Variants in MLLT10 observed in about 807,000 individuals in gnomAD.
MLLT10 encodes MLLT10 histone lysine methyltransferase DOT1L cofactor.
A neutral mutation model predicts 129.1 loss-of-function variants in MLLT10; 30 were observed. The observed-to-expected ratio is 0.23, with a 90% CI of 0.17 to 0.32. The LOEUF is 0.32. Ranked by LOEUF, MLLT10 falls within the 10% of genes least tolerant of loss-of-function variation. The probability of loss-of-function intolerance (pLI) is 1.00; values close to 1 mark genes in which losing one functional copy is unlikely to be tolerated. For missense variants in MLLT10, 1,119 were observed against 1,268.3 expected (o/e 0.88, Z 1.79); for synonymous variants, 490 against 446.4 (o/e 1.10, Z -1.23).
chr10:21,701,650 G>A (rs1175284896), intron 13 of MLLT10, among the ~76,000 whole-genome samples: 5 of 152,008 alleles, frequency 3.3e-5, no homozygotes, highest in Non-Finnish European at 7.4e-5. Context: ...GCAGTAATGC[G>A]ATCTCTTCTC....
chr10:21,534,313 C>CCA lies in MLLT10; in HGVS notation c.-208_-207insCA. On this transcript the variant is annotated 5_prime_UTR_variant, in exon 1 of 23. Coordinates refer to ENST00000307729, the MANE Select transcript of MLLT10 (RefSeq NM_001195626.3). ...GCCCCTGGCCCAGCGGGAGCCCCCC[C>CCA]TCCCCCCAGTGCGCCTGTGCGGAGG... 1 of 374,220 alleles carries CCA rather than the reference C, an allele frequency of 2.7e-6. No homozygotes were observed. Among genetic ancestry groups the CCA allele is most frequent in the Non-Finnish European group, 4.8e-6 (1 of 208,640 alleles). 23.2% of individuals were successfully genotyped at this position (374,220 alleles called of 1,614,324 possible). A position where few individuals can be genotyped will look rare whatever the true frequency, so the allele number is the denominator to read the frequency against.
chr10:21,673,655 G>T lies in MLLT10; in HGVS notation c.1357G>T (p.Ala453Ser). 1.2e-6 allele frequency: 2 copies of T among 1,614,038 alleles called. No homozygotes were observed. The highest frequency in any genetic ancestry group is 1.7e-5 in the Admixed American group (1 of 60,008). Residue 453 changes from alanine (A) to serine (S), a missense_variant, in exon 11 of 23, where the codon GCT becomes TCT. Physicochemically the swap from Ala to Ser is moderately conservative, Grantham distance 99. This residue lies in a region of MLLT10 where 1,004 missense variants were observed against 1,008.7 expected (regional missense o/e 1.00). Transcript: ENST00000307729. ...SSLPTAGYKRAQTSGIEEETV... is the reference protein window; with the variant it reads ...SSLPTAGYKRSQTSGIEEETV... The stretch of plus-strand genomic sequence containing the variant: ...CCTTCCTACAGCAGGATATAAGCGG[G>T]CTCAAACTTCTGGCATAGAAGAAGA...
At chr10:21,739,908 G>A (rs2058691247) in intron 21 of MLLT10, 122 bp from the exon 22 acceptor site, 4 of 751,330 alleles carry the variant, frequency 5.3e-6, no homozygotes, top group South Asian at 3.8e-5. Flanking sequence ...TTCTAGATGA[G>A]ATACTTGTTT....
At chr10:21,721,453 T>A (rs2057129183) in intron 14 of MLLT10, among the ~76,000 whole-genome samples, 1 of 152,176 alleles carries the variant, frequency 6.6e-6, no homozygotes, top group Non-Finnish European at 1.5e-5. Context: ...CTTGAACCTT[T>A]TCCCCCACGC....
chr10:21,671,468 C>T lies in MLLT10; in HGVS notation c.1051+764C>T, dbSNP rs188135665. Among the ~76,000 whole-genome samples the T allele has an allele frequency of 2.8e-3, 430 of 152,158 alleles. 1 individual carries two copies. Among genetic ancestry groups the T allele is most frequent in the Non-Finnish European group, 4.5e-3 (309 of 68,022 alleles). On this transcript the variant is annotated intron_variant, in intron 10 of 22. Coordinates refer to ENST00000307729, the MANE Select transcript of MLLT10 (RefSeq NM_001195626.3). ...GCCAGCTTGGGCAATGTGGTAAGACCTCATCTCTACAAAAAATTTAAAAAT... is the reference window on the plus strand; with the variant it reads ...GCCAGCTTGGGCAATGTGGTAAGACTTCATCTCTACAAAAAATTTAAAAAT...
Position 21,534,430 on chromosome 10 carries a change from A to G in MLLT10, c.-91A>G. ...GACGCTGAGGAGGAGGAGGAGGCGG[A>G]GGAGGCGGTGGAGGGGAGGTGGGGG... is the stretch of plus-strand genomic sequence containing the variant. On this transcript the variant is annotated 5_prime_UTR_variant, in exon 1 of 23. Coordinates refer to ENST00000307729, the MANE Select transcript of MLLT10 (RefSeq NM_001195626.3). The G allele has an allele frequency of 3.0e-6, 1 of 338,936 alleles. No homozygotes were observed. 21.0% of individuals were successfully genotyped at this position (338,936 alleles called of 1,614,324 possible). A position where few individuals can be genotyped will look rare whatever the true frequency, so the allele number is the denominator to read the frequency against.
At chr10:21,632,293 A>G (rs186827690) in intron 8 of MLLT10, among the ~76,000 whole-genome samples, 3 of 152,218 alleles carry the variant, frequency 2.0e-5, no homozygotes, top group Admixed American at 1.3e-4. Flanking sequence ...ATTTTTTGCA[A>G]CTTGTAAGGT....
chr10:21,569,781 T>G (rs1425963255), intron 3 of MLLT10, among the ~76,000 whole-genome samples: 11 of 150,420 alleles, frequency 7.3e-5, no homozygotes, highest in Middle Eastern at 3.6e-3. Flanking sequence ...GTTGCTCTGT[T>G]GCCTGGGCTG....
rs143581186 is a variant in MLLT10 at position 21,727,923 on chromosome 10, G to C, written c.2058G>C (p.Ser686=). The change falls in exon 16 of 23, where the codon TCG becomes TCC. Residue 686 remains serine (S), a synonymous_variant. Coordinates refer to ENST00000307729, the MANE Select transcript of MLLT10 (RefSeq NM_001195626.3). ...GAAGCTCACCCCGAGGAAGTCTCTC[G>C]CCACGGTAAGCGCTATTTACACTGC... ...GRGSSPRGSL[S]PRSPVSSLQI... 3 of 1,613,810 alleles carry C rather than the reference G, an allele frequency of 1.9e-6. No individual in the cohort carries two copies. Among genetic ancestry groups the C allele is most frequent in the South Asian group, 2.2e-5 (2 of 91,012 alleles).
At chr10:21,677,584 A>G (rs1444826233) in intron 11 of MLLT10, among the ~76,000 whole-genome samples, 1 of 152,190 alleles carries the variant, frequency 6.6e-6, no homozygotes, top group African/African-American at 2.4e-5. Flanking sequence ...TAGTTGTTAT[A>G]CTATATTGCT....
intron 14 of MLLT10, among the ~76,000 whole-genome samples, chr10:21,714,951 A>AT (rs2056423632): frequency 6.6e-6 from 1 of 152,042 alleles, no homozygotes; most frequent in African/African-American, 2.4e-5. Flanking sequence ...AAAGATAATC[A>AT]TTTAAGATTT....
At chr10:21,631,030 G>A (rs1390057582) in intron 8 of MLLT10, among the ~76,000 whole-genome samples, 1 of 152,122 alleles carries the variant, frequency 6.6e-6, no homozygotes, top group Non-Finnish European at 1.5e-5. Context: ...AGAAAAGTAC[G>A]TCGGGCGCGG....
chr10:21,620,999 T>TC (rs1200505101), intron 8 of MLLT10, among the ~76,000 whole-genome samples: 5 of 151,370 alleles, frequency 3.3e-5, no homozygotes, highest in Non-Finnish European at 7.4e-5. Context: ...TTTTTTTTTT[T>TC]CCTGAGACGG....
At chr10:21,570,556 A>T (rs542334483) in intron 3 of MLLT10, among the ~76,000 whole-genome samples, 5 of 150,874 alleles carry the variant, frequency 3.3e-5, no homozygotes, top group Non-Finnish European at 5.9e-5. Context: ...AATTATTTCA[A>T]TTATCACGTA....
At chr10:21,540,232 A>G (rs550519636) in intron 3 of MLLT10, among the ~76,000 whole-genome samples, 76 of 152,220 alleles carry the variant, frequency 5.0e-4, no homozygotes, top group African/African-American at 1.8e-3. Context: ...TCTGCTAAAA[A>G]TACAAAAAAT....
chr10:21,732,862 A>T (rs962189626), intron 17 of MLLT10, 37 bp from the exon 18 acceptor site: 8 of 1,575,378 alleles, frequency 5.1e-6, no homozygotes, highest in Non-Finnish European at 6.9e-6. Context: ...TTATGTGTGT[A>T]CTTGTCATTA....
intron 3 of MLLT10, among the ~76,000 whole-genome samples, chr10:21,569,497 T>C (rs968310565): frequency 6.6e-6 from 1 of 151,636 alleles, no homozygotes; most frequent in African/African-American, 2.4e-5. Flanking sequence ...CTCGGCTCAC[T>C]GCAAACTCCA....
At chr10:21,666,620 A>T (rs956379021) in intron 9 of MLLT10, among the ~76,000 whole-genome samples, 77 of 151,808 alleles carry the variant, frequency 5.1e-4, no homozygotes, top group Admixed American at 1.5e-3. Flanking sequence ...CTCAGATCGC[A>T]CTACTGCACT....
chr10:21,689,565 G>GTATATATATATATATATATATATGTA (rs2053625105), intron 13 of MLLT10, among the ~76,000 whole-genome samples: 38 of 113,450 alleles, frequency 3.3e-4, no homozygotes, highest in African/African-American at 9.8e-4. Context: ...ATATATATAT[G>GTATATATATATATATATATATATGTA]TATATATATA....
Sources: allele counts gnomAD v4.1 joint callset (sites outside exome capture counted in the v4.1 genomes callset), GRCh38; gene constraint gnomAD v4.1.1; regional missense constraint gnomAD v4.1.1; transcripts MANE v1.5; gene names NCBI Gene and HGNC (gene_info 2026-07-23, HGNC 2026-07-21).